Variants in MCC observed in about 807,000 individuals in gnomAD.
MCC encodes the protein MCC regulator of Wnt signaling pathway, also known as colorectal mutant cancer protein.
MCC carries 90 observed loss-of-function variants against 116.2 expected under a neutral mutation model. The observed-to-expected ratio is 0.77, with a 90% CI of 0.65 to 0.92. The LOEUF is 0.92. Among genes scored for constraint, MCC ranks in the 40% least tolerant of loss-of-function variants. The probability of loss-of-function intolerance (pLI) is 0.00; values close to 1 mark genes in which losing one functional copy is unlikely to be tolerated. For synonymous variants in MCC, 578 were observed against 510.5 expected (o/e 1.13, Z -1.78); for missense variants, 1,516 against 1,312.2 (o/e 1.16, Z -2.40).
At chr5:113,440,073 C>G (rs10040341) in intron 1 of MCC, among the ~76,000 whole-genome samples, 1,627 of 152,222 alleles carry the variant, frequency 0.011, 16 homozygotes, top group Non-Finnish European at 0.018. Context: ...TATTAGTGGT[C>G]ATTTTATTAC....
chr5:113,408,368 A>G (rs1226455663), intron 1 of MCC, among the ~76,000 whole-genome samples: 2 of 152,220 alleles, frequency 1.3e-5, no homozygotes, highest in Non-Finnish European at 2.9e-5. Context: ...GGGAAGGGAA[A>G]GATGTTCTGG....
At position 113,384,371 on chromosome 5, in the gene MCC, G is replaced by A. The variant is rs553658746; in HGVS notation, c.415+597C>T. ...TGGGAGGCCAAGGCAGGTGGATCACGAGGTCAGGAGATCAAGACCATCCTG... is the reference window on the plus strand; with the variant it reads ...TGGGAGGCCAAGGCAGGTGGATCACAAGGTCAGGAGATCAAGACCATCCTG... On this transcript the variant is annotated intron_variant, in intron 2 of 18. Transcript: ENST00000408903. 2.6e-4 allele frequency among the ~76,000 whole-genome samples: 40 copies of A among 152,264 alleles called. 1 individual carries two copies. In the South Asian group the frequency reaches 7.7e-3, roughly 29 times the overall value.
chr5:113,433,904 C>A, intron 1 of MCC: 1 of 1,613,978 alleles, frequency 6.2e-7, no homozygotes, highest in Non-Finnish European at 8.5e-7. Context: ...CCTCAGGCTC[C>A]AGCTTGGTGG....
intron 3 of MCC, among the ~76,000 whole-genome samples, chr5:113,219,031 A>C (rs1432583775): frequency 6.6e-6 from 1 of 152,232 alleles, no homozygotes; most frequent in African/African-American, 2.4e-5. Context: ...TTCCTGATAT[A>C]ACAGAGAAAT....
At chr5:113,333,095 C>G (rs370497457) in intron 3 of MCC, among the ~76,000 whole-genome samples, 1 of 151,450 alleles carries the variant, frequency 6.6e-6, no homozygotes, top group Admixed American at 6.6e-5. Flanking sequence ...AAGGGGGAAA[C>G]AAACCAAAAA....
At chr5:113,221,255 C>G (rs1249274507) in intron 3 of MCC, among the ~76,000 whole-genome samples, 3 of 152,164 alleles carry the variant, frequency 2.0e-5, no homozygotes, top group Admixed American at 1.3e-4. Flanking sequence ...TTGCATTTAT[C>G]CCAGTCTGGG....
At chr5:113,373,035 C>T (rs1340855910) in intron 2 of MCC, among the ~76,000 whole-genome samples, 3 of 152,042 alleles carry the variant, frequency 2.0e-5, no homozygotes, top group Middle Eastern at 3.4e-3. Flanking sequence ...AAAAATTAGC[C>T]GGGCATGGTG....
intron 14 of MCC, among the ~76,000 whole-genome samples, chr5:113,060,535 G>A (rs1753145579): frequency 6.6e-6 from 1 of 152,118 alleles, no homozygotes; most frequent in African/African-American, 2.4e-5. Flanking sequence ...GAATGAGTGG[G>A]GTCAGTCCAA....
intron 6 of MCC, among the ~76,000 whole-genome samples, chr5:113,105,401 T>C (rs1756671367): frequency 6.6e-6 from 1 of 152,226 alleles, no homozygotes; most frequent in Non-Finnish European, 1.5e-5. Flanking sequence ...CTCAGAATGT[T>C]TTAGTCAACC....
In MCC at chr5:113,468,146, C is replaced by A. The variant is rs575973262; in HGVS notation, c.170+20099G>T. ...CTGCAAACAGGGACAATCTGACTTCCTCTTTTCCTAATTGAATACACTTTA... is the reference window on the plus strand; with the variant it reads ...CTGCAAACAGGGACAATCTGACTTCATCTTTTCCTAATTGAATACACTTTA... On this transcript the variant is annotated intron_variant, in intron 1 of 18. Transcript: ENST00000408903. 2.4e-3 allele frequency among the ~76,000 whole-genome samples: 365 copies of A among 152,282 alleles called. 1 individual carries two copies. Among genetic ancestry groups the A allele is most frequent in the African/African-American group, 8.3e-3 (343 of 41,564 alleles).
At chr5:113,339,791 T>C (rs1767966155) in intron 3 of MCC, among the ~76,000 whole-genome samples, 1 of 152,258 alleles carries the variant, frequency 6.6e-6, no homozygotes, top group African/African-American at 2.4e-5. Flanking sequence ...ACTGTAAATA[T>C]GCATAAGTCA....
intron 3 of MCC, among the ~76,000 whole-genome samples, chr5:113,291,234 G>A (rs1041503641): frequency 3.9e-5 from 6 of 152,146 alleles, no homozygotes; most frequent in African/African-American, 1.4e-4. Flanking sequence ...TCCTAATTGT[G>A]TATCCCTCGC....
At chr5:113,054,120 C>T (rs1752663125) in intron 14 of MCC, among the ~76,000 whole-genome samples, 161 bp from the exon 15 acceptor site, 1 of 152,212 alleles carries the variant, frequency 6.6e-6, no homozygotes, top group Admixed American at 6.5e-5. Context: ...ATGATACCAC[C>T]TTTTAGGAAA....
chr5:113,118,797 G>T (rs548626428), intron 6 of MCC, among the ~76,000 whole-genome samples: 2 of 152,214 alleles, frequency 1.3e-5, no homozygotes, highest in Non-Finnish European at 2.9e-5. Flanking sequence ...AGCCAGTTCC[G>T]ATGAACAAAC....
chr5:113,213,207 C>T (rs1008389069), intron 3 of MCC, among the ~76,000 whole-genome samples: 4 of 152,134 alleles, frequency 2.6e-5, no homozygotes, highest in African/African-American at 9.7e-5. Context: ...CTCTAACTTT[C>T]CGCTGAAAAA....
intron 2 of MCC, among the ~76,000 whole-genome samples, chr5:113,350,924 C>T (rs1223429971): frequency 2.0e-5 from 3 of 151,792 alleles, no homozygotes; most frequent in Non-Finnish European, 4.4e-5. Context: ...GCTAACAGGC[C>T]TATGAAAAGG....
At chr5:113,160,878 A>C (rs1760445518) in intron 3 of MCC, among the ~76,000 whole-genome samples, 1 of 152,200 alleles carries the variant, frequency 6.6e-6, no homozygotes, top group African/African-American at 2.4e-5. Flanking sequence ...AAAGAGGACA[A>C]AATTGTAGTA....
At chr5:113,264,076 AAAATT>A (rs1304767039) in intron 3 of MCC, among the ~76,000 whole-genome samples, 1 of 152,228 alleles carries the variant, frequency 6.6e-6, no homozygotes, top group African/African-American at 2.4e-5. Context: ...TTTAGAAACA[AAAATT>A]AAGTGATTCC....
intron 3 of MCC, among the ~76,000 whole-genome samples, chr5:113,253,652 G>C (rs1764887068): frequency 6.6e-6 from 1 of 152,106 alleles, no homozygotes; most frequent in Non-Finnish European, 1.5e-5. Flanking sequence ...AGGTAAGCAA[G>C]GATGACTACA....
Sources: allele counts gnomAD v4.1 joint callset (sites outside exome capture counted in the v4.1 genomes callset), GRCh38; gene constraint gnomAD v4.1.1; transcripts MANE v1.5; gene names NCBI Gene and HGNC (gene_info 2026-07-23, HGNC 2026-07-21).